The following PEX14 variants were observed in gnomAD, a reference collection of about 807,000 sequenced individuals.
PEX14 encodes the protein peroxisomal biogenesis factor 14.
PEX14 carries 15 observed loss-of-function variants against 49.5 expected under a neutral mutation model. The observed-to-expected ratio is 0.30, with a 90% CI of 0.20 to 0.47. The LOEUF (loss-of-function observed/expected upper bound fraction) is 0.47. PEX14 is among the 20% of genes least tolerant of loss of function. PEX14 has a pLI of 1.00. For synonymous variants in PEX14, 210 were observed against 212.7 expected (o/e 0.99, Z 0.11); for missense variants, 398 against 494.8 (o/e 0.80, Z 1.86).
intron 3 of PEX14, among the ~76,000 whole-genome samples, chr1:10,594,099 T>C (rs748448076): frequency 2.6e-5 from 4 of 152,124 alleles, no homozygotes; most frequent in Non-Finnish European, 5.9e-5. Context: ...GAAATAGGGG[T>C]CTCCAGGTCA....
At position 10,629,567 on chromosome 1, in the gene PEX14, C is replaced by A. The variant is rs1373672721; in HGVS notation, c.714C>A (p.Ile238=). 3.1e-6 allele frequency: 5 copies of A among 1,613,800 alleles called. No homozygotes were observed. Among genetic ancestry groups the A allele is most frequent in the Non-Finnish European group, 4.2e-6 (5 of 1,179,920 alleles). Residue 238 remains isoleucine, a synonymous_variant, in exon 9 of 9, where the codon ATC becomes ATA. Coordinates refer to ENST00000356607, the MANE Select transcript of PEX14 (RefSeq NM_004565.3). This position sits in a 1 kb window ranked among gnomAD's most constrained non-coding sequence, Gnocchi z 8.5. The part of the protein sequence containing the change: ...QFPPSPSAPK[I]PSWQIPVKSP... The stretch of plus-strand genomic sequence containing the variant: ...CTCCATCCCCATCAGCCCCGAAGAT[C>A]CCCTCCTGGCAGATCCCAGTCAAGT...
rs946387410 is a variant in PEX14 at position 10,623,565 on chromosome 1, G to A, written c.487+444G>A. ...CTGTTATCGACTCAACAGGGCTCGC[G>A]TTCATTACCCAGTGCCCCAGCGATG... On this transcript the variant is annotated intron_variant, in intron 6 of 8. Transcript: ENST00000356607. This position sits in a 1 kb window ranked among gnomAD's most constrained non-coding sequence, Gnocchi z 4.4. 3.9e-5 allele frequency among the ~76,000 whole-genome samples: 6 copies of A among 152,100 alleles called. No homozygotes were observed. The highest frequency in any genetic ancestry group is 7.2e-5 in the African/African-American group (3 of 41,398).
At position 10,585,868 on chromosome 1, in the gene PEX14, C is replaced by G. The variant is rs138888157; in HGVS notation, c.170-13370C>G. 3.3e-4 allele frequency among the ~76,000 whole-genome samples: 51 copies of G among 152,246 alleles called. 3 individuals carry two copies. In the East Asian group the frequency reaches 9.7e-3, roughly 29 times the overall value. On this transcript the variant is annotated intron_variant, in intron 3 of 8. Coordinates refer to ENST00000356607, the MANE Select transcript of PEX14 (RefSeq NM_004565.3). ...TGGAGATCACGCCACTGCACTCTAG[C>G]CTGGGCGACAGAGCGAGACTCCGTC...
At chr1:10,491,403 CA>C (rs765404924) in intron 1 of PEX14, among the ~76,000 whole-genome samples, 8 of 152,026 alleles carry the variant, frequency 5.3e-5, no homozygotes, top group Non-Finnish European at 1.0e-4. Flanking sequence ...CTTTTTGAGA[CA>C]GAGTCTTGCT....
chr1:10,627,542 C>T (rs1421671840), intron 8 of PEX14, among the ~76,000 whole-genome samples, 179 bp downstream of exon 8: 1 of 152,166 alleles, frequency 6.6e-6, no homozygotes, highest in Admixed American at 6.5e-5. Context: ...AGTTGACACC[C>T]TCTCCACTCC....
intron 2 of PEX14, among the ~76,000 whole-genome samples, chr1:10,502,465 C>G (rs1641698602): frequency 6.6e-6 from 1 of 152,128 alleles, no homozygotes; most frequent in Admixed American, 6.5e-5. Flanking sequence ...AGGCGGTGCC[C>G]TTTACATTGT....
chr1:10,612,551 T>C (rs796545512), intron 4 of PEX14, among the ~76,000 whole-genome samples: 2 of 152,206 alleles, frequency 1.3e-5, no homozygotes, highest in South Asian at 4.1e-4. Flanking sequence ...CCATCCAGGC[T>C]GCCAAGTCCT....
At chr1:10,511,430 C>A (rs769718776) in intron 2 of PEX14, among the ~76,000 whole-genome samples, 1 of 152,140 alleles carries the variant, frequency 6.6e-6, no homozygotes, top group Non-Finnish European at 1.5e-5. Context: ...TTCTTTCCAG[C>A]TTTAATGCTA....
chr1:10,552,827 C>T (rs1639374236), intron 3 of PEX14, among the ~76,000 whole-genome samples: 1 of 152,120 alleles, frequency 6.6e-6, no homozygotes. Flanking sequence ...AAAAAGGTGC[C>T]TCCATTCATG....
At chr1:10,475,459 T>G (rs777412140) in intron 1 of PEX14, among the ~76,000 whole-genome samples, 1 of 152,212 alleles carries the variant, frequency 6.6e-6, no homozygotes, top group Non-Finnish European at 1.5e-5. Context: ...CCTCTTCATC[T>G]GTGGTCACCT....
chr1:10,608,985 T>C (rs1641202034), intron 4 of PEX14, among the ~76,000 whole-genome samples: 1 of 152,202 alleles, frequency 6.6e-6, no homozygotes, highest in Non-Finnish European at 1.5e-5. Flanking sequence ...TCCCCTTTTC[T>C]GGACATTTCA....
chr1:10,516,876 G>T (rs1641978643), intron 2 of PEX14, among the ~76,000 whole-genome samples: 1 of 152,232 alleles, frequency 6.6e-6, no homozygotes, highest in South Asian at 2.1e-4. Flanking sequence ...CTTGGGATGT[G>T]CTCAGATTCT....
At chr1:10,547,275 T>G (rs1639203947) in intron 3 of PEX14, among the ~76,000 whole-genome samples, 1 of 152,214 alleles carries the variant, frequency 6.6e-6, no homozygotes, top group African/African-American at 2.4e-5. Flanking sequence ...TCCAATATCC[T>G]GCCTGCCCAT....
intron 4 of PEX14, among the ~76,000 whole-genome samples, chr1:10,599,864 G>A (rs892901745): frequency 8.6e-5 from 13 of 151,974 alleles, no homozygotes; most frequent in Admixed American, 2.0e-4. Context: ...ATGTAGTAGC[G>A]GTCTGTTAGG....
At chr1:10,575,892 A>G (rs1640104158) in intron 3 of PEX14, among the ~76,000 whole-genome samples, 1 of 152,136 alleles carries the variant, frequency 6.6e-6, no homozygotes, top group Admixed American at 6.6e-5. Context: ...TCACCAGGGG[A>G]TGAGAGTACC....
At chr1:10,503,281 CAAAAAAAA>C (rs59342388) in intron 2 of PEX14, among the ~76,000 whole-genome samples, 9 of 75,482 alleles carry the variant, frequency 1.2e-4, no homozygotes, top group African/African-American at 5.2e-4. Context: ...GACTCTGTCT[CAAAAAAAA>C]AAAAAAAAAA....
At position 10,480,955 on chromosome 1, in the gene PEX14, T is replaced by C. The variant is rs370659650; in HGVS notation, c.36+5953T>C. On this transcript the variant is annotated intron_variant, in intron 1 of 8. Coordinates refer to ENST00000356607, the MANE Select transcript of PEX14 (RefSeq NM_004565.3). ...TATTTCACCTTATCTCTCATAAGAG[T>C]AAGGTTATTCCCCTGTATAACCACA... Among the ~76,000 whole-genome samples, 4 of 151,682 alleles carry C rather than the reference T, an allele frequency of 2.6e-5. No individual in the cohort carries two copies. The South Asian group carries it at 6.2e-4, about 24-fold the overall frequency.
At chr1:10,543,505 G>T (rs1232798894) in intron 3 of PEX14, among the ~76,000 whole-genome samples, 1 of 152,194 alleles carries the variant, frequency 6.6e-6, no homozygotes, top group Non-Finnish European at 1.5e-5. Flanking sequence ...GCCTTCGTTA[G>T]TGAGGGGAGG....
chr1:10,540,076 T>C (rs1001983786), intron 3 of PEX14, among the ~76,000 whole-genome samples: 1 of 152,100 alleles, frequency 6.6e-6, no homozygotes, highest in African/African-American at 2.4e-5. Context: ...GGTAGGCAAA[T>C]GAAACAAATA....
Sources: allele counts gnomAD v4.1 joint callset (sites outside exome capture counted in the v4.1 genomes callset), GRCh38; gene constraint gnomAD v4.1.1; non-coding constraint Gnocchi (gnomAD v3.1); transcripts MANE v1.5; gene names NCBI Gene and HGNC (gene_info 2026-07-23, HGNC 2026-07-21).